PDS5A: variants seen among roughly 807,000 people sequenced by gnomAD.
The protein encoded by PDS5A is PDS5 cohesin associated factor A.
PDS5A carries 42 observed loss-of-function variants against 167.1 expected under a neutral mutation model. The ratio of observed to expected loss-of-function variants is 0.25; its 90% CI spans 0.20 to 0.33. PDS5A has a LOEUF of 0.33. Ranked by LOEUF, PDS5A falls within the 10% of genes least tolerant of loss-of-function variation. The probability of loss-of-function intolerance (pLI) is 1.00; values close to 1 mark genes in which losing one functional copy is unlikely to be tolerated. For missense variants in PDS5A, 1,033 were observed against 1,605.9 expected, an observed-to-expected ratio of 0.64 and a Z score of 6.10; for synonymous variants, 553 against 554.6, an observed-to-expected ratio of 1.00 and a Z score of 0.04.
At chr4:39,976,779 G>GCCCCGCCAA (rs1560535030) in intron 1 of PDS5A, among the ~76,000 whole-genome samples, 162 bp from the exon 2 acceptor site, 1 of 152,096 alleles carries the variant, frequency 6.6e-6, no homozygotes, top group Non-Finnish European at 1.5e-5. Context: ...AACCCCGCCG[G>GCCCCGCCAA]CCCCGCCAAC....
chr4:39,976,447 C>CGTTT lies in PDS5A; in HGVS notation c.127_130dup (p.Arg44GlnfsTer20). Reference sequence around the variant, plus strand: ...ATCCGTCCAGACACTTACCTTCAGGCGTTTGATCATCTCGTCCGTGGTGAT... The same window carrying CGTTT: ...ATCCGTCCAGACACTTACCTTCAGGCGTTTGTTTGATCATCTCGTCCGTGGTGAT... On this transcript the variant is annotated frameshift_variant, in exon 2 of 33. Transcript: ENST00000303538. LOFTEE classifies it high-confidence loss of function. 6.2e-7 allele frequency: 1 copy of CGTTT among 1,612,344 alleles called. No homozygotes were observed.
chr4:39,922,577 G>T (rs377024107), intron 6 of PDS5A, 45 bp downstream of exon 6: 2 of 1,443,202 alleles, frequency 1.4e-6, no homozygotes, highest in Non-Finnish European at 1.8e-6. Context: ...TATGTGTGGC[G>T]TGACTGTTAA....
intron 2 of PDS5A, among the ~76,000 whole-genome samples, chr4:39,964,645 A>G (rs1729804836): frequency 6.6e-6 from 1 of 152,254 alleles, no homozygotes; most frequent in East Asian, 1.9e-4. Context: ...CAGTGAGCCG[A>G]GATTGTGCCA....
chr4:39,825,602 A>G (rs1715223361), intron 32 of PDS5A, 114 bp from the exon 33 acceptor site: 2 of 771,852 alleles, frequency 2.6e-6, no homozygotes, highest in East Asian at 3.0e-5. Flanking sequence ...TTTTTTTTAA[A>G]CTTAAGCATC....
rs532357913 is a variant in PDS5A at position 39,919,820 on chromosome 4, T to C, written c.735+499A>G. 3.3e-5 allele frequency among the ~76,000 whole-genome samples: 5 copies of C among 152,204 alleles called. No individual in the cohort carries two copies. In the East Asian group the frequency reaches 9.6e-4, roughly 29 times the overall value. ...TCCTCAGTAAACCTTTTTTTAACTA[T>C]TACTATGTAGCAACTATCACAATCT... On this transcript the variant is annotated intron_variant, in intron 7 of 32. Transcript: ENST00000303538.
At chr4:39,954,827 G>C (rs529225236) in intron 2 of PDS5A, among the ~76,000 whole-genome samples, 2 of 151,486 alleles carry the variant, frequency 1.3e-5, no homozygotes, top group African/African-American at 4.9e-5. Context: ...GGAGGATCAC[G>C]TGAGTCCAGG....
chr4:39,939,649 T>C (rs1727033742), intron 2 of PDS5A, among the ~76,000 whole-genome samples: 1 of 151,744 alleles, frequency 6.6e-6, no homozygotes, highest in Non-Finnish European at 1.5e-5. Context: ...CAACAATTAG[T>C]CAGGCATGGT....
chr4:39,966,174 T>C lies in PDS5A; in HGVS notation c.138+10266A>G, dbSNP rs185827948. On this transcript the variant is annotated intron_variant, in intron 2 of 32. Transcript: ENST00000303538. ...TGAGCAGAATCTTCTGCAATACAAA[T>C]ATTAAAACATATGAACAGAACTCAG... is the stretch of plus-strand genomic sequence containing the variant. Among the ~76,000 whole-genome samples, 22 of 152,328 alleles carry C rather than the reference T, an allele frequency of 1.4e-4. 1 individual carries two copies. The highest frequency in any genetic ancestry group is 4.6e-4 in the Admixed American group (7 of 15,282).
chr4:39,968,159 G>A (rs1173094166), intron 2 of PDS5A, among the ~76,000 whole-genome samples: 2 of 151,692 alleles, frequency 1.3e-5, no homozygotes, highest in African/African-American at 4.9e-5. Context: ...TTGCCATATT[G>A]CCCAAGCTGG....
chr4:39,936,946 G>A (rs1202997874), intron 2 of PDS5A: 1 of 152,252 alleles, frequency 6.6e-6, no homozygotes, highest in Admixed American at 6.5e-5. Flanking sequence ...ATCAGCCAAA[G>A]TCTTGGGGGT....
intron 2 of PDS5A, 93 bp downstream of exon 2, chr4:39,976,347 C>G: frequency 9.4e-7 from 1 of 1,065,730 alleles, no homozygotes; most frequent in Non-Finnish European, 1.4e-6. Context: ...ATCTAAAAAA[C>G]TTGGAACTTT....
chr4:39,838,884 T>C (rs1393224155), intron 31 of PDS5A, among the ~76,000 whole-genome samples: 1 of 151,964 alleles, frequency 6.6e-6, no homozygotes, highest in African/African-American at 2.4e-5. Context: ...CCAGGCATGG[T>C]GGCCCATGCC....
intron 7 of PDS5A, among the ~76,000 whole-genome samples, chr4:39,917,417 C>CA (rs1002155765): frequency 2.0e-4 from 30 of 149,422 alleles, no homozygotes; most frequent in South Asian, 1.1e-3. Context: ...AGGAGAAAAG[C>CA]AAAAAAAAAT....
At chr4:39,876,327 A>G (rs1259062065) in intron 19 of PDS5A, among the ~76,000 whole-genome samples, 1 of 152,214 alleles carries the variant, frequency 6.6e-6, no homozygotes, top group Non-Finnish European at 1.5e-5. Flanking sequence ...AGAATGTACA[A>G]TGGACACTGA....
intron 17 of PDS5A, among the ~76,000 whole-genome samples, chr4:39,880,690 A>G (rs1354767468): frequency 6.6e-6 from 1 of 152,180 alleles, no homozygotes; most frequent in Non-Finnish European, 1.5e-5. Context: ...AACAAAAATT[A>G]TAAATATTCA....
At position 39,825,290 on chromosome 4, in the gene PDS5A, C is replaced by A; in HGVS notation, c.*195G>T. 5 of 441,790 alleles carry A rather than the reference C, an allele frequency of 1.1e-5. No individual in the cohort carries two copies. Among genetic ancestry groups the A allele is most frequent in the Non-Finnish European group, 1.6e-5 (4 of 248,362 alleles). 27.4% of individuals were successfully genotyped at this position (441,790 alleles called of 1,614,324 possible). On this transcript the variant is annotated 3_prime_UTR_variant, in exon 33 of 33. Transcript: ENST00000303538. ...CTTTTAGCCTCTCTCTCAAGAGTTTCTGCTGTACATTTCCATCAGAGGACT... is the reference window on the plus strand; with the variant it reads ...CTTTTAGCCTCTCTCTCAAGAGTTTATGCTGTACATTTCCATCAGAGGACT...
intron 13 of PDS5A, among the ~76,000 whole-genome samples, chr4:39,900,958 T>TATAG: frequency 6.6e-6 from 1 of 152,346 alleles, no homozygotes; most frequent in Admixed American, 6.5e-5. Flanking sequence ...CATGAAGCAC[T>TATAG]ATAGACTATT....
chr4:39,948,600 C>T (rs1379765545), intron 2 of PDS5A, among the ~76,000 whole-genome samples: 1 of 146,152 alleles, frequency 6.8e-6, no homozygotes, highest in Non-Finnish European at 1.5e-5. Flanking sequence ...TGGGATTACA[C>T]GTGTGAGCTA....
At chr4:39,928,825 TAAA>T (rs201886708) in intron 2 of PDS5A, among the ~76,000 whole-genome samples, 1 of 139,376 alleles carries the variant, frequency 7.2e-6, no homozygotes, top group Non-Finnish European at 1.5e-5. Flanking sequence ...ACACTGTCTT[TAAA>T]AAAAAAAAAA....
Sources: gnomAD v4.1 joint callset for allele counts (sites outside exome capture counted in the v4.1 genomes callset) on GRCh38, gnomAD v4.1.1 for gene constraint, MANE v1.5 for transcripts, NCBI Gene and HGNC (gene_info 2026-07-23, HGNC 2026-07-21) for gene names.